Variants in C4BPA observed in about 807,000 individuals in gnomAD.
The protein encoded by C4BPA is C4b-binding protein alpha chain.
In C4BPA, 31 loss-of-function variants were observed where a neutral mutation model predicts 63.7. The ratio of observed to expected loss-of-function variants is 0.49; its 90% confidence interval spans 0.37 to 0.66. The LOEUF is 0.66. Among genes scored for constraint, C4BPA ranks in the 30% least tolerant of loss-of-function variants. The pLI, the probability that C4BPA is intolerant of heterozygous loss-of-function variation, is 0.00. For missense variants in C4BPA, 572 were observed against 723.3 expected, an observed-to-expected ratio of 0.79 and a Z score of 2.40; for synonymous variants, 259 against 254.7, an observed-to-expected ratio of 1.02 and a Z score of -0.16.
intron 4 of C4BPA, among the ~76,000 whole-genome samples, chr1:207,116,744 AT>A (rs907519429): frequency 6.6e-6 from 1 of 151,994 alleles, no homozygotes; most frequent in Non-Finnish European, 1.5e-5. Context: ...ATATTTTCAT[AT>A]TTTTTAATAT....
At chr1:207,127,095 A>C (rs1317392153) in intron 7 of C4BPA, 200 bp downstream of exon 7, 1 of 439,734 alleles carries the variant, frequency 2.3e-6, no homozygotes, top group African/African-American at 2.0e-5. Context: ...ATTGTCACAC[A>C]AAACTGCCAC....
intron 8 of C4BPA, among the ~76,000 whole-genome samples, chr1:207,133,706 T>C (rs2102354114): frequency 6.6e-6 from 1 of 152,330 alleles, no homozygotes. Context: ...GAGACTGTAG[T>C]GAGCCATAAT....
In C4BPA at chr1:207,115,449, A is replaced by C. The variant is rs1217511837; in HGVS notation, c.362A>C (p.Asn121Thr). ...TGCAGACACCCAGGAGAGTTACGTA[A>C]TGGGCAAGTAGAGATTAAGACAGAT... ...KRCRHPGELRNGQVEIKTDLS... is the reference protein window; with the variant it reads ...KRCRHPGELRTGQVEIKTDLS... Residue 121 changes from asparagine to threonine, a missense_variant, in exon 4 of 12, where the codon AAT becomes ACT. Transcript: ENST00000367070. The C allele has an allele frequency of 6.2e-7, 1 of 1,600,176 alleles. No individual in the cohort carries two copies. The highest frequency in any genetic ancestry group is 8.5e-7 in the Non-Finnish European group (1 of 1,175,588).
chr1:207,132,866 A>G (rs73079146), intron 8 of C4BPA, among the ~76,000 whole-genome samples: 1,984 of 152,134 alleles, frequency 0.013, 33 homozygotes, highest in African/African-American at 0.043. Context: ...TCTACAAATA[A>G]TTTAAAAAAT....
intron 4 of C4BPA, among the ~76,000 whole-genome samples, chr1:207,116,232 G>C (rs1036316060): frequency 6.6e-6 from 1 of 152,054 alleles, no homozygotes; most frequent in Non-Finnish European, 1.5e-5. Context: ...CAATGTAAGA[G>C]GTGAAAATAA....
intron 1 of C4BPA, 72 bp from the exon 2 acceptor site, chr1:207,112,929 T>A: frequency 1.5e-6 from 2 of 1,370,052 alleles, no homozygotes; most frequent in Middle Eastern, 2.1e-4. Context: ...ATGGATCCCA[T>A]AACATTTATT....
intron 6 of C4BPA, 80 bp from the exon 7 acceptor site, chr1:207,126,633 A>G: frequency 2.0e-6 from 2 of 1,016,024 alleles, no homozygotes; most frequent in Non-Finnish European, 3.0e-6. Flanking sequence ...TTGCACTTGT[A>G]ACTGGATTAG....
chr1:207,113,306 T>C (rs1684708862), intron 2 of C4BPA, 139 bp downstream of exon 2: 2 of 915,822 alleles, frequency 2.2e-6, no homozygotes, highest in African/African-American at 1.7e-5. Context: ...TTTGACAGGC[T>C]AGAACTTAGG....
intron 11 of C4BPA, 26 bp from the exon 12 acceptor site, chr1:207,144,518 T>G: frequency 6.4e-7 from 1 of 1,561,594 alleles, no homozygotes; most frequent in Non-Finnish European, 8.7e-7. Context: ...AGCTTCTCAA[T>G]CACACCCACC....
intron 9 of C4BPA, among the ~76,000 whole-genome samples, chr1:207,136,966 T>A (rs946882984): frequency 2.6e-5 from 4 of 152,228 alleles, no homozygotes; most frequent in Non-Finnish European, 5.9e-5. Flanking sequence ...TCCCTATACA[T>A]CTCTTAGTGA....
intron 9 of C4BPA, among the ~76,000 whole-genome samples, chr1:207,139,368 T>C (rs1352035225): frequency 6.6e-6 from 1 of 152,218 alleles, no homozygotes; most frequent in African/African-American, 2.4e-5. Context: ...CACTCCCATG[T>C]CTTTAGCTAT....
At chr1:207,138,626 A>G (rs1685346296) in intron 9 of C4BPA, among the ~76,000 whole-genome samples, 1 of 152,162 alleles carries the variant, frequency 6.6e-6, no homozygotes, top group Admixed American at 6.5e-5. Context: ...GCAACAGGAT[A>G]ATTTCACTGC....
chr1:207,141,344 A>G, intron 10 of C4BPA, 68 bp downstream of exon 10: 2 of 1,235,588 alleles, frequency 1.6e-6, no homozygotes, highest in Non-Finnish European at 2.3e-6. Flanking sequence ...CTGAGAGCTA[A>G]GTTTCTTCCC....
chr1:207,124,700 G>T (rs11120238), intron 6 of C4BPA, among the ~76,000 whole-genome samples: 2,009 of 152,278 alleles, frequency 0.013, 51 homozygotes, highest in African/African-American at 0.047. Context: ...GTCTGTGTTA[G>T]CTTAGCAACT....
In C4BPA at chr1:207,141,150, T is replaced by C. The variant is rs1306290710; in HGVS notation, c.1318T>C (p.Ser440Pro). The C allele has an allele frequency of 3.1e-6, 5 of 1,613,104 alleles. No homozygotes were observed. The highest frequency in any genetic ancestry group is 4.2e-6 in the Non-Finnish European group (5 of 1,179,494). Residue 440 changes from serine (S) to proline (P), a missense_variant, in exon 10 of 12, where the codon TCT becomes CCT. Around this residue, in one of 2 missense-constraint regions of C4BPA, gnomAD observed 465 missense variants for 629.4 expected, o/e 0.74. Coordinates refer to ENST00000367070, the MANE Select transcript of C4BPA (RefSeq NM_000715.4). ...PKIAHGHYKQ[S>P]SSYSFFKEEI... is the part of the protein sequence containing the mutation. ...AATTGCCCATGGGCATTATAAACAA[T>C]CTAGTTCATACAGCTTTTTCAAAGA... is the stretch of plus-strand genomic sequence containing the variant.
intron 4 of C4BPA, among the ~76,000 whole-genome samples, chr1:207,116,530 G>C (rs999076601): frequency 6.7e-6 from 1 of 149,616 alleles, no homozygotes; most frequent in Admixed American, 6.7e-5. Context: ...GTGTGTGTGT[G>C]TGTGTGTGTG....
intron 8 of C4BPA, among the ~76,000 whole-genome samples, chr1:207,132,305 T>C (rs74537814): frequency 0.016 from 2,493 of 152,304 alleles, 56 homozygotes; most frequent in African/African-American, 0.055. Context: ...GAGACGCACC[T>C]CTTTTATTTG....
At chr1:207,132,653 A>G (rs1685187640) in intron 8 of C4BPA, among the ~76,000 whole-genome samples, 1 of 152,240 alleles carries the variant, frequency 6.6e-6, no homozygotes, top group South Asian at 2.1e-4. Flanking sequence ...TGAATTAAAA[A>G]TATACTTAAT....
At chr1:207,139,985 G>T (rs1432934126) in intron 9 of C4BPA, among the ~76,000 whole-genome samples, 2 of 152,104 alleles carry the variant, frequency 1.3e-5, no homozygotes, top group African/African-American at 4.8e-5. Flanking sequence ...GTATATTGTT[G>T]TTGGCTGCTC....
Sources: gnomAD v4.1 joint callset for allele counts (sites outside exome capture counted in the v4.1 genomes callset) on GRCh38, gnomAD v4.1.1 for gene constraint, gnomAD v4.1.1 regional missense constraint, MANE v1.5 for transcripts, NCBI Gene and HGNC (gene_info 2026-07-23, HGNC 2026-07-21) for gene names.